Variants in AGBL4 observed in about 807,000 individuals in gnomAD.
AGBL4 encodes AGBL carboxypeptidase 4.
Under a neutral mutation model 66.4 loss-of-function variants are expected in AGBL4, and 58 were observed. That is an observed-to-expected ratio of 0.87 (90% CI 0.71 to 1.09). The LOEUF is 1.09. AGBL4 is among the 50% of genes least tolerant of loss of function. The pLI, the probability that AGBL4 is intolerant of heterozygous loss-of-function variation, is 0.00. For missense variants in AGBL4, 579 were observed against 631.0 expected (o/e 0.92, Z 0.88); for synonymous variants, 234 against 222.9 (o/e 1.05, Z -0.44).
chr1:49,062,263 C>T (rs912283167), intron 4 of AGBL4, among the ~76,000 whole-genome samples: 2 of 152,134 alleles, frequency 1.3e-5, no homozygotes, highest in Non-Finnish European at 2.9e-5. Flanking sequence ...TCAAGAGTTA[C>T]TTATCTTTGG....
At chr1:49,380,946 A>T (rs1204001470) in intron 3 of AGBL4, among the ~76,000 whole-genome samples, 6 of 152,216 alleles carry the variant, frequency 3.9e-5, no homozygotes, top group Admixed American at 1.3e-4. Flanking sequence ...CAAGGACTTC[A>T]TGTCTAAAAC....
At chr1:48,891,522 C>G (rs1323437066) in intron 5 of AGBL4, among the ~76,000 whole-genome samples, 1 of 152,162 alleles carries the variant, frequency 6.6e-6, no homozygotes, top group East Asian at 1.9e-4. Context: ...ATAAAGAGAC[C>G]ACTTCAGTTT....
chr1:49,526,760 TACA>T (rs908623087), intron 3 of AGBL4, among the ~76,000 whole-genome samples: 2 of 152,154 alleles, frequency 1.3e-5, no homozygotes, highest in Non-Finnish European at 2.9e-5. Context: ...GAACATCGAT[TACA>T]ACAAGGCAGC....
chr1:49,143,634 T>G lies in AGBL4; in HGVS notation c.378-97834A>C, dbSNP rs374507439. On this transcript the variant is annotated intron_variant, in intron 4 of 13. Transcript: ENST00000371839. ...ATACTTCATAATACAATGAATGAAT[T>G]AAGTTCCCTAGGGTCCTTTAAGTTT... 4.6e-5 allele frequency among the ~76,000 whole-genome samples: 7 copies of G among 152,220 alleles called. No homozygotes were observed. In the South Asian group the frequency reaches 8.3e-4, roughly 18 times the overall value.
chr1:48,828,337 A>G (rs1424898595), intron 6 of AGBL4, among the ~76,000 whole-genome samples: 1 of 152,168 alleles, frequency 6.6e-6, no homozygotes. Flanking sequence ...CCATTGCTCT[A>G]GCACTTGCTG....
chr1:49,695,197 C>G (rs1646960960), intron 3 of AGBL4, among the ~76,000 whole-genome samples: 3 of 152,176 alleles, frequency 2.0e-5, no homozygotes, highest in Middle Eastern at 3.4e-3. Context: ...TATACTGCTT[C>G]TAAGAAAATG....
intron 5 of AGBL4, among the ~76,000 whole-genome samples, chr1:48,963,937 G>A (rs928417613): frequency 1.3e-5 from 2 of 152,078 alleles, no homozygotes; most frequent in African/African-American, 4.8e-5. Context: ...TATGTGCAAG[G>A]CTCTGTGTAA....
rs1649145923 is a variant in AGBL4 at position 48,736,889 on chromosome 1, A to C, written c.635-73648T>G. Among the ~76,000 whole-genome samples, 1 of 152,138 alleles carries C rather than the reference A, an allele frequency of 6.6e-6. No individual in the cohort carries two copies. The highest frequency in any genetic ancestry group is 6.5e-5 in the Admixed American group (1 of 15,278). On this transcript the variant is annotated intron_variant, in intron 6 of 13. Transcript: ENST00000371839. This position sits in a 1 kb window ranked among gnomAD's most constrained non-coding sequence, Gnocchi z 4.0. ...TCTTTCTGTGTTACACTATGGAAAG[A>C]CCCACCTTCCTTTAATGTGAACATT...
Position 49,440,226 on chromosome 1 carries a change from C to G in AGBL4, c.283-194362G>C, listed in dbSNP as rs181362082. 1.4e-3 allele frequency among the ~76,000 whole-genome samples: 215 copies of G among 152,116 alleles called. 1 individual carries two copies. Among genetic ancestry groups the G allele is most frequent in the Middle Eastern group, 6.8e-3 (2 of 294 alleles). ...CTGGGATTATAGGCGCCCGCCACCA[C>G]GCTGGCTAATTTTTTGTATATTTAG... On this transcript the variant is annotated intron_variant, in intron 3 of 13. Transcript: ENST00000371839.
chr1:49,590,621 A>C (rs1165018827), intron 3 of AGBL4, among the ~76,000 whole-genome samples: 1 of 152,078 alleles, frequency 6.6e-6, no homozygotes, highest in East Asian at 1.9e-4. Flanking sequence ...CAAAATGAAT[A>C]CATAGAAAAA....
intron 5 of AGBL4, among the ~76,000 whole-genome samples, chr1:49,027,279 G>A (rs4926783): frequency 0.56 from 84,213 of 151,684 alleles, 23,931 homozygotes; most frequent in Non-Finnish European, 0.61. Flanking sequence ...TCCTGCCTAA[G>A]CTTCCCGAGT....
intron 9 of AGBL4, among the ~76,000 whole-genome samples, chr1:48,604,241 GCAATATGGGAC>G (rs1199950052): frequency 3.3e-5 from 5 of 152,168 alleles, no homozygotes; most frequent in Non-Finnish European, 7.3e-5. Context: ...TTGACAGTTT[GCAATATGGGAC>G]CTAAGTTTGG....
chr1:49,249,055 G>C (rs1288378285), intron 3 of AGBL4, among the ~76,000 whole-genome samples: 1 of 152,110 alleles, frequency 6.6e-6, no homozygotes, highest in Non-Finnish European at 1.5e-5. Flanking sequence ...TCCATTCCAG[G>C]TATAGGCCAA....
At chr1:49,788,142 T>A (rs1486737150) in intron 2 of AGBL4, among the ~76,000 whole-genome samples, 1 of 152,214 alleles carries the variant, frequency 6.6e-6, no homozygotes, top group Non-Finnish European at 1.5e-5. Context: ...AGGACTTTTC[T>A]TGGGGATATG....
intron 5 of AGBL4, among the ~76,000 whole-genome samples, chr1:48,956,852 T>A (rs1657491189): frequency 6.6e-6 from 1 of 152,276 alleles, no homozygotes; most frequent in African/African-American, 2.4e-5. Flanking sequence ...AAAAGGCCAA[T>A]GGCAGGACAC....
chr1:49,453,816 T>C (rs1383341809), intron 3 of AGBL4, among the ~76,000 whole-genome samples: 1 of 151,758 alleles, frequency 6.6e-6, no homozygotes, highest in Non-Finnish European at 1.5e-5. Context: ...TTGGGACCTA[T>C]GAGAAGACAG....
intron 5 of AGBL4, among the ~76,000 whole-genome samples, chr1:48,924,411 A>ATACT (rs1386875859): frequency 1.2e-4 from 19 of 152,146 alleles, no homozygotes; most frequent in African/African-American, 4.6e-4. Context: ...CCCAGTAAGT[A>ATACT]TACTGAGAGG....
chr1:49,450,423 G>A (rs1001171419), intron 3 of AGBL4, among the ~76,000 whole-genome samples: 1 of 152,012 alleles, frequency 6.6e-6, no homozygotes, highest in African/African-American at 2.4e-5. Context: ...CTCAACATAG[G>A]AAATAGTAGA....
At chr1:48,891,696 T>A (rs184969786) in intron 5 of AGBL4, among the ~76,000 whole-genome samples, 2 of 152,316 alleles carry the variant, frequency 1.3e-5, no homozygotes, top group Admixed American at 1.3e-4. Flanking sequence ...GCAGAAAATT[T>A]GGTGGCTGGA....
Sources: gnomAD v4.1 joint callset for allele counts (sites outside exome capture counted in the v4.1 genomes callset) on GRCh38, gnomAD v4.1.1 for gene constraint, Gnocchi (gnomAD v3.1) non-coding constraint, MANE v1.5 for transcripts, NCBI Gene and HGNC (gene_info 2026-07-23, HGNC 2026-07-21) for gene names.